The following PARD3 variants were observed in gnomAD, a reference collection of about 807,000 sequenced individuals.
PARD3 encodes partitioning defective 3 homolog.
Under a neutral mutation model 155.4 loss-of-function variants are expected in PARD3, and 75 were observed. That is an observed-to-expected ratio of 0.48 (90% CI 0.40 to 0.58). PARD3 has a LOEUF of 0.58. Ranked by LOEUF, PARD3 falls within the 20% of genes least tolerant of loss-of-function variation. The pLI is 0.00. For missense variants in PARD3, 1,642 were observed against 1,721.7 expected, an observed-to-expected ratio of 0.95 and a Z score of 0.82; for synonymous variants, 576 against 610.5, an observed-to-expected ratio of 0.94 and a Z score of 0.83.
chr10:34,350,382 C>T (rs529759420), intron 14 of PARD3, among the ~76,000 whole-genome samples: 4 of 152,240 alleles, frequency 2.6e-5, no homozygotes, highest in Admixed American at 6.5e-5. Flanking sequence ...CAGTGGCTCA[C>T]GCCTGTAATC....
At chr10:34,686,208 T>C (rs752945661) in intron 2 of PARD3, among the ~76,000 whole-genome samples, 1 of 152,190 alleles carries the variant, frequency 6.6e-6, no homozygotes, top group Non-Finnish European at 1.5e-5. Flanking sequence ...TTTTTACAGC[T>C]TGTAGCTCTG....
In PARD3 at chr10:34,569,543, G is replaced by A. The variant is rs191490247; in HGVS notation, c.223-52384C>T. On this transcript the variant is annotated intron_variant, in intron 2 of 24. Coordinates refer to ENST00000374788, the MANE Select transcript of PARD3 (RefSeq NM_001184785.2). ...TGCCATTCTCCTGCCTCAGCCTCCC[G>A]AGCAGCTGGGACTACAGGTGCCCGC... 1.1e-3 allele frequency among the ~76,000 whole-genome samples: 163 copies of A among 151,926 alleles called. 2 individuals carry two copies. In the East Asian group the frequency reaches 0.019, roughly 18 times the overall value.
At chr10:34,392,622 T>C (rs557062638) in intron 7 of PARD3, among the ~76,000 whole-genome samples, 1 of 152,266 alleles carries the variant, frequency 6.6e-6, no homozygotes, top group East Asian at 1.9e-4. Context: ...GATTGACAAG[T>C]AGATGTTAAG....
At position 34,481,796 on chromosome 10, in the gene PARD3, G is replaced by C. The variant is rs187320133; in HGVS notation, c.404-11533C>G. 2.7e-5 allele frequency among the ~76,000 whole-genome samples: 4 copies of C among 148,822 alleles called. No homozygotes were observed. In the East Asian group the frequency reaches 7.8e-4, roughly 29 times the overall value. ...GAGAGTCATTTACTGTAGAAAAGTA[G>C]AAAAAAAAAATCACTCTAAAGTGAA... On this transcript the variant is annotated intron_variant, in intron 3 of 24. Coordinates refer to ENST00000374788, the MANE Select transcript of PARD3 (RefSeq NM_001184785.2).
chr10:34,530,426 C>T (rs1460339743), intron 2 of PARD3, among the ~76,000 whole-genome samples: 1 of 152,178 alleles, frequency 6.6e-6, no homozygotes, highest in African/African-American at 2.4e-5. Context: ...TCGTCTCTGT[C>T]TTCTTCCTCA....
At chr10:34,113,539 A>G (rs1392649602) in intron 24 of PARD3, among the ~76,000 whole-genome samples, 1 of 151,860 alleles carries the variant, frequency 6.6e-6, no homozygotes, top group Admixed American at 6.6e-5. Context: ...ACACACACAC[A>G]TGCGCACACA....
chr10:34,578,449 C>T (rs566837889), intron 2 of PARD3, among the ~76,000 whole-genome samples: 1 of 152,192 alleles, frequency 6.6e-6, no homozygotes, highest in Admixed American at 6.5e-5. Flanking sequence ...GAAAGTATTC[C>T]CATACCAATG....
At chr10:34,682,475 TA>T (rs1002988784) in intron 2 of PARD3, among the ~76,000 whole-genome samples, 1 of 152,016 alleles carries the variant, frequency 6.6e-6, no homozygotes, top group African/African-American at 2.4e-5. Flanking sequence ...TTCATAGAAA[TA>T]AAAAAATAAG....
chr10:34,793,909 CT>C (rs1385760792), intron 1 of PARD3, among the ~76,000 whole-genome samples: 1 of 152,244 alleles, frequency 6.6e-6, no homozygotes, highest in East Asian at 1.9e-4. Flanking sequence ...CCCCTGATAC[CT>C]TCAATTAGAG....
At chr10:34,685,878 G>GC (rs2093948631) in intron 2 of PARD3, among the ~76,000 whole-genome samples, 1 of 152,138 alleles carries the variant, frequency 6.6e-6, no homozygotes, top group Admixed American at 6.6e-5. Context: ...ACAGAGGTGA[G>GC]CCACCATGCC....
intron 1 of PARD3, among the ~76,000 whole-genome samples, chr10:34,713,278 A>C (rs1470379352): frequency 1.3e-5 from 2 of 152,152 alleles, no homozygotes; most frequent in African/African-American, 4.8e-5. Flanking sequence ...TTTTAAAATA[A>C]AAACCTTTTC....
intron 2 of PARD3, among the ~76,000 whole-genome samples, chr10:34,531,726 ACT>A (rs1186942653): frequency 6.6e-6 from 1 of 151,882 alleles, no homozygotes; most frequent in African/African-American, 2.4e-5. Context: ...GTACATATCA[ACT>A]CTTTGTTCTA....
At chr10:34,575,799 G>A (rs1246557233) in intron 2 of PARD3, among the ~76,000 whole-genome samples, 2 of 152,140 alleles carry the variant, frequency 1.3e-5, no homozygotes, top group African/African-American at 2.4e-5. Flanking sequence ...AGGAGGCTGA[G>A]GCAGGAGAAT....
At chr10:34,172,305 T>C (rs1363847586) in intron 22 of PARD3, among the ~76,000 whole-genome samples, 1 of 152,196 alleles carries the variant, frequency 6.6e-6, no homozygotes, top group Non-Finnish European at 1.5e-5. Context: ...AACTTTTAAC[T>C]ACGGTCAGAA....
chr10:34,152,281 T>G (rs1948815364), intron 22 of PARD3, among the ~76,000 whole-genome samples: 1 of 152,156 alleles, frequency 6.6e-6, no homozygotes, highest in African/African-American at 2.4e-5. Context: ...GAGAAATGGG[T>G]TGTTAGGCAA....
intron 1 of PARD3, among the ~76,000 whole-genome samples, chr10:34,714,810 T>C (rs887806404): frequency 6.6e-6 from 1 of 151,392 alleles, no homozygotes; most frequent in Non-Finnish European, 1.5e-5. Context: ...AGTCTCACTC[T>C]GTCACCCAGG....
intron 2 of PARD3, among the ~76,000 whole-genome samples, chr10:34,529,407 G>C (rs1026268349): frequency 2.6e-5 from 4 of 152,192 alleles, no homozygotes; most frequent in Non-Finnish European, 5.9e-5. Context: ...AGCTGGATCA[G>C]CAGTACTCAA....
At chr10:34,345,139 A>T (rs546673374) in intron 15 of PARD3, 55 of 985,354 alleles carry the variant, frequency 5.6e-5, no homozygotes, top group Non-Finnish European at 6.3e-5. Context: ...TAGAAAAAGG[A>T]AATAGCCAAA....
At chr10:34,737,535 G>T (rs536543203) in intron 1 of PARD3, among the ~76,000 whole-genome samples, 1 of 152,296 alleles carries the variant, frequency 6.6e-6, no homozygotes, top group Admixed American at 6.5e-5. Flanking sequence ...ACAGTGCTCT[G>T]GTTTGAACAT....
Sources: allele counts gnomAD v4.1 joint callset (sites outside exome capture counted in the v4.1 genomes callset), GRCh38; gene constraint gnomAD v4.1.1; transcripts MANE v1.5; gene names NCBI Gene and HGNC (gene_info 2026-07-23, HGNC 2026-07-21).